Variants in FGF14 observed in about 807,000 individuals in gnomAD.
FGF14 encodes the protein fibroblast growth factor 14.
In FGF14, 5 loss-of-function variants were observed where a neutral mutation model predicts 25.5. That is an observed-to-expected ratio of 0.20 (90% CI 0.10 to 0.41). The LOEUF (loss-of-function observed/expected upper bound fraction) is 0.41. FGF14 is among the 10% of genes least tolerant of loss of function. The pLI is 1.00. For missense variants in FGF14, 222 were observed against 320.1 expected, an observed-to-expected ratio of 0.69 and a Z score of 2.34; for synonymous variants, 138 against 118.3, an observed-to-expected ratio of 1.17 and a Z score of -1.08.
chr13:102,088,469 G>A (rs970687174), intron 1 of FGF14, among the ~76,000 whole-genome samples: 7 of 151,988 alleles, frequency 4.6e-5, no homozygotes, highest in Non-Finnish European at 1.0e-4. Flanking sequence ...GAAATTTAAT[G>A]TAATTAAGTA....
chr13:102,101,329 T>A (rs189025656), intron 1 of FGF14, among the ~76,000 whole-genome samples: 5 of 152,338 alleles, frequency 3.3e-5, no homozygotes, highest in Middle Eastern at 6.8e-3. Flanking sequence ...TACAGTTACA[T>A]ACATACCTGG....
At chr13:101,975,519 T>C (rs1364755485) in intron 1 of FGF14, among the ~76,000 whole-genome samples, 1 of 152,202 alleles carries the variant, frequency 6.6e-6, no homozygotes, top group Non-Finnish European at 1.5e-5. Context: ...TTTCATGACA[T>C]TGCAACTCCC....
chr13:102,048,494 C>T (rs636674), intron 1 of FGF14, among the ~76,000 whole-genome samples: 82,445 of 151,960 alleles, frequency 0.54, 25,586 homozygotes, highest in African/African-American at 0.84. Flanking sequence ...ATCTTAGAGT[C>T]GGAGTCACTT....
intron 3 of FGF14, among the ~76,000 whole-genome samples, chr13:101,783,011 C>A (rs1206680514): frequency 1.3e-5 from 2 of 152,114 alleles, no homozygotes; most frequent in Non-Finnish European, 2.9e-5. Flanking sequence ...ATAAGCATTC[C>A]TTTTTCTCCA....
chr13:101,970,780 CTGTTT>C (rs2037544154), intron 1 of FGF14, among the ~76,000 whole-genome samples: 1 of 152,186 alleles, frequency 6.6e-6, no homozygotes. Context: ...ATCTATTCTT[CTGTTT>C]TGTCTATTCT....
intron 1 of FGF14, among the ~76,000 whole-genome samples, chr13:102,327,106 T>C (rs1198944280): frequency 6.6e-6 from 1 of 152,326 alleles, no homozygotes; most frequent in Middle Eastern, 3.4e-3. Context: ...TTCATCAAAA[T>C]AAAGTTCAAA....
chr13:101,955,346 G>A (rs2036450293), intron 1 of FGF14, among the ~76,000 whole-genome samples: 1 of 152,226 alleles, frequency 6.6e-6, no homozygotes. Flanking sequence ...CTCACAACCA[G>A]CAGGCCTCCT....
intron 3 of FGF14, among the ~76,000 whole-genome samples, chr13:101,773,268 C>G (rs891722985): frequency 2.6e-5 from 4 of 152,282 alleles, no homozygotes; most frequent in Non-Finnish European, 4.4e-5. Context: ...ATTCTCCAGC[C>G]TGATTTCCTC....
At chr13:102,119,482 C>CA (rs2045619984) in intron 1 of FGF14, among the ~76,000 whole-genome samples, 1 of 152,022 alleles carries the variant, frequency 6.6e-6, no homozygotes, top group East Asian at 1.9e-4. Context: ...GAACAGAATA[C>CA]TAAACGAGGC....
At chr13:102,013,712 T>G (rs1410701207) in intron 1 of FGF14, among the ~76,000 whole-genome samples, 3 of 152,220 alleles carry the variant, frequency 2.0e-5, no homozygotes, top group African/African-American at 7.2e-5. Context: ...GAAGTGTTTA[T>G]TTTTCATGTT....
At chr13:101,776,846 T>C (rs2039142184) in intron 3 of FGF14, among the ~76,000 whole-genome samples, 1 of 152,246 alleles carries the variant, frequency 6.6e-6, no homozygotes, top group Admixed American at 6.5e-5. Context: ...AAGTTCAAGT[T>C]CAAGGCCCTG....
chr13:102,302,515 C>G (rs764424604), intron 1 of FGF14, among the ~76,000 whole-genome samples: 1 of 152,110 alleles, frequency 6.6e-6, no homozygotes, highest in Non-Finnish European at 1.5e-5. Flanking sequence ...AAATTTACAT[C>G]CCCAATCCTC....
At chr13:102,083,094 T>A (rs539744435) in intron 1 of FGF14, among the ~76,000 whole-genome samples, 8 of 152,272 alleles carry the variant, frequency 5.3e-5, no homozygotes, top group African/African-American at 1.9e-4. Flanking sequence ...AAACCTGGAG[T>A]GTTCCTTGAT....
At chr13:102,327,077 G>C (rs977730156) in intron 1 of FGF14, among the ~76,000 whole-genome samples, 4 of 152,186 alleles carry the variant, frequency 2.6e-5, no homozygotes, top group Non-Finnish European at 5.9e-5. Context: ...CAGCAACTAT[G>C]ATCACAGTTC....
At chr13:102,034,214 CATA>C (rs2041357863) in intron 1 of FGF14, among the ~76,000 whole-genome samples, 1 of 152,072 alleles carries the variant, frequency 6.6e-6, no homozygotes, top group African/African-American at 2.4e-5. Flanking sequence ...CGGGATACAA[CATA>C]ATGAGAGAGA....
At chr13:102,273,352 T>C (rs1265378216) in intron 1 of FGF14, among the ~76,000 whole-genome samples, 1 of 152,184 alleles carries the variant, frequency 6.6e-6, no homozygotes, top group Non-Finnish European at 1.5e-5. Context: ...AACATGTAAT[T>C]TCCTTCCTGT....
intron 3 of FGF14, among the ~76,000 whole-genome samples, chr13:101,760,921 C>T (rs1010820270): frequency 6.6e-6 from 1 of 152,044 alleles, no homozygotes; most frequent in African/African-American, 2.4e-5. Flanking sequence ...TCAAAGTCAG[C>T]AGGCTTAATA....
intron 1 of FGF14, among the ~76,000 whole-genome samples, chr13:101,885,345 G>A (rs2045934408): frequency 6.6e-6 from 1 of 152,068 alleles, no homozygotes; most frequent in Admixed American, 6.6e-5. Flanking sequence ...ATGTTTTCAG[G>A]GTGGAGGGTG....
intron 1 of FGF14, among the ~76,000 whole-genome samples, chr13:102,033,403 C>T (rs1255597392): frequency 6.6e-6 from 1 of 152,076 alleles, no homozygotes; most frequent in African/African-American, 2.4e-5. Context: ...TAGATCAATT[C>T]CTGGGAGAAA....
Sources: allele counts gnomAD v4.1 joint callset (sites outside exome capture counted in the v4.1 genomes callset), GRCh38; gene constraint gnomAD v4.1.1; transcripts MANE v1.5; gene names NCBI Gene and HGNC (gene_info 2026-07-23, HGNC 2026-07-21).